GPR19: variants seen among roughly 807,000 people sequenced by gnomAD.
GPR19 encodes the protein probable G protein-coupled receptor 19.
In GPR19, 14 loss-of-function variants were observed where a neutral mutation model predicts 28.5. The ratio of observed to expected loss-of-function variants is 0.49; its 90% CI spans 0.32 to 0.77. The LOEUF (loss-of-function observed/expected upper bound fraction) is 0.77, where lower values mean the gene tolerates loss of function less well. GPR19 is among the 30% of genes least tolerant of loss of function. The pLI is 0.03. For missense variants in GPR19, 409 were observed against 504.1 expected, an observed-to-expected ratio of 0.81 and a Z score of 1.81; for synonymous variants, 173 against 184.1, an observed-to-expected ratio of 0.94 and a Z score of 0.49.
chr12:12,714,233 A>C, the GPR19 span, among the ~76,000 whole-genome samples: 2 of 152,350 alleles, frequency 1.3e-5, no homozygotes, highest in East Asian at 3.9e-4. Flanking sequence ...TGAGCTTAGA[A>C]GAATGGTGGA....
chr12:12,670,164 G>A (rs1222232755), intron 3 of GPR19, among the ~76,000 whole-genome samples: 5 of 152,194 alleles, frequency 3.3e-5, no homozygotes, highest in African/African-American at 1.2e-4. Flanking sequence ...CTCAGATGAG[G>A]TTGCTAGATA....
the GPR19 span, among the ~76,000 whole-genome samples, chr12:12,705,115 CT>C: frequency 0.025 from 3,413 of 136,572 alleles, 114 homozygotes; most frequent in African/African-American, 0.085. Context: ...AGAAATGCAT[CT>C]TTTTTTTTTT....
chr12:12,694,687 G>C (rs1946237153), intron 2 of GPR19, among the ~76,000 whole-genome samples: 2 of 152,162 alleles, frequency 1.3e-5, no homozygotes. Context: ...GAGAAACTGA[G>C]ATTCAGACAG....
chr12:12,673,703 C>T (rs1945887958), intron 3 of GPR19, among the ~76,000 whole-genome samples: 1 of 152,036 alleles, frequency 6.6e-6, no homozygotes, highest in South Asian at 2.1e-4. Flanking sequence ...TATGTGGCTA[C>T]AGCATATGAA....
chr12:12,705,850 A>C, the GPR19 span, among the ~76,000 whole-genome samples: 1 of 152,150 alleles, frequency 6.6e-6, no homozygotes, highest in African/African-American at 2.4e-5. Context: ...AAGCCTGGCC[A>C]GTATGATAAT....
intron 2 of GPR19, among the ~76,000 whole-genome samples, chr12:12,693,000 CACT>C (rs1252626759): frequency 6.6e-6 from 1 of 152,194 alleles, no homozygotes; most frequent in African/African-American, 2.4e-5. Context: ...TGGCCATTAT[CACT>C]ACCTTTTTTG....
intron 3 of GPR19, among the ~76,000 whole-genome samples, chr12:12,675,780 C>A (rs988819943): frequency 6.6e-6 from 1 of 152,112 alleles, no homozygotes; most frequent in Non-Finnish European, 1.5e-5. Flanking sequence ...CCACAAGGCA[C>A]CGGATTCTGC....
chr12:12,670,158 G>T (rs183777264), intron 3 of GPR19, among the ~76,000 whole-genome samples: 1 of 152,342 alleles, frequency 6.6e-6, no homozygotes, highest in Non-Finnish European at 1.5e-5. Flanking sequence ...TGTCGACTCA[G>T]ATGAGGTTGC....
At chr12:12,672,512 C>T (rs551115831) in intron 3 of GPR19, among the ~76,000 whole-genome samples, 22 of 152,178 alleles carry the variant, frequency 1.4e-4, no homozygotes, top group Admixed American at 1.4e-3. Context: ...TTTGGGAAGC[C>T]GAAGTGGGTG....
At chr12:12,697,366 G>T (rs554326222), upstream of GPR19, among the ~76,000 whole-genome samples, 205 of 105,946 alleles carry the variant, frequency 1.9e-3, no homozygotes, top group African/African-American at 6.0e-3. Context: ...GACTGGATTC[G>T]TTTGAAAACA....
intron 2 of GPR19, among the ~76,000 whole-genome samples, chr12:12,693,947 C>G (rs1946221854): frequency 6.6e-6 from 1 of 152,070 alleles, no homozygotes; most frequent in South Asian, 2.1e-4. Flanking sequence ...GTGATCCCCC[C>G]GCCTCCGCCT....
intron 3 of GPR19, among the ~76,000 whole-genome samples, chr12:12,678,792 G>A (rs1263692901): frequency 1.3e-5 from 2 of 151,966 alleles, no homozygotes; most frequent in South Asian, 2.1e-4. Flanking sequence ...AATTACTTTC[G>A]CACCAGCCTA....
intron 3 of GPR19, among the ~76,000 whole-genome samples, chr12:12,667,055 T>C (rs1450606097): frequency 6.6e-6 from 1 of 152,116 alleles, no homozygotes; most frequent in Non-Finnish European, 1.5e-5. Context: ...AGGCCTCCCC[T>C]GCTCCATTAA....
rs1945675119 is a variant in GPR19, at chr12:12,661,606, T to G, written c.843A>C (p.Leu281Phe). Reference sequence around the variant, plus strand: ...GCCAGGAGAGCAAAAACAACAGATTTAAAATGAGGAACATCTTGATAGTTT... The same window carrying G: ...GCCAGGAGAGCAAAAACAACAGATTGAAAATGAGGAACATCTTGATAGTTT... ...KVKTIKMFLI[L>F]NLLFLLSWLP... Residue 281 changes from leucine (L) to phenylalanine (F), a missense_variant, in exon 4 of 4, where the codon TTA becomes TTC. Physicochemically the swap from Leu to Phe is conservative, Grantham distance 22 (BLOSUM62 0). Coordinates refer to ENST00000651487, the MANE Select transcript of GPR19 (RefSeq NM_006143.3). This position sits in a 1 kb window ranked among gnomAD's most constrained non-coding sequence, Gnocchi z 4.2. 3 of 1,614,100 alleles carry G rather than the reference T, an allele frequency of 1.9e-6. No homozygotes were observed. The highest frequency in any genetic ancestry group is 2.5e-6 in the Non-Finnish European group (3 of 1,179,936).
At chr12:12,680,082 AT>A (rs1266127812) in intron 3 of GPR19, among the ~76,000 whole-genome samples, 5 of 152,298 alleles carry the variant, frequency 3.3e-5, no homozygotes, top group South Asian at 2.1e-4. Context: ...ATCACAACTG[AT>A]TTTTATTTTC....
upstream of GPR19, among the ~76,000 whole-genome samples, chr12:12,700,926 A>G (rs2136343341): frequency 1.3e-5 from 2 of 152,334 alleles, no homozygotes; most frequent in Non-Finnish European, 2.9e-5. Context: ...GCTCCCAGAA[A>G]ACCTAAATTG....
intron 2 of GPR19, among the ~76,000 whole-genome samples, chr12:12,684,736 A>G (rs1249938216): frequency 6.6e-6 from 1 of 152,212 alleles, no homozygotes; most frequent in Non-Finnish European, 1.5e-5. Flanking sequence ...TGATTGGCTC[A>G]GACCAAAAAT....
chr12:12,661,530 TC>T lies in GPR19; in HGVS notation c.918del (p.Ser308ValfsTer34). 1 of 1,613,778 alleles carries T rather than the reference TC, an allele frequency of 6.2e-7. No individual in the cohort carries two copies. Among genetic ancestry groups the T allele is most frequent in the Non-Finnish European group, 8.5e-7 (1 of 1,179,668 alleles). ...ATAGCTGTGAAAACAAGGGAACTTT[TC>T]TTATAGTCTTGTTCATGGGGGTGCC... ...QLWHPHEQDY[K>X]KSSLVFTAIT... On this transcript the variant is annotated frameshift_variant, in exon 4 of 4. Coordinates refer to ENST00000651487, the MANE Select transcript of GPR19 (RefSeq NM_006143.3). LOFTEE classifies it high-confidence loss of function. The surrounding 1 kb of genome is among the most constrained non-coding windows in gnomAD (Gnocchi z 4.2).
At chr12:12,712,492 GGCCA>G in the GPR19 span, among the ~76,000 whole-genome samples, 1 of 152,070 alleles carries the variant, frequency 6.6e-6, no homozygotes, top group South Asian at 2.1e-4. Flanking sequence ...TGCCATCCAT[GGCCA>G]ACCACTGTCT....
Sources: gnomAD v4.1 joint callset for allele counts (sites outside exome capture counted in the v4.1 genomes callset) on GRCh38, gnomAD v4.1.1 for gene constraint, Gnocchi (gnomAD v3.1) non-coding constraint, MANE v1.5 for transcripts, NCBI Gene and HGNC (gene_info 2026-07-23, HGNC 2026-07-21) for gene names.